MAPK9: variants seen among roughly 807,000 people sequenced by gnomAD.
MAPK9 encodes mitogen-activated protein kinase 9.
In MAPK9, 30 loss-of-function variants were observed where a neutral mutation model predicts 57.1. The observed-to-expected ratio is 0.53, with a 90% CI of 0.39 to 0.71. The LOEUF (loss-of-function observed/expected upper bound fraction) is 0.71, where lower values mean the gene tolerates loss of function less well. MAPK9 is among the 30% of genes least tolerant of loss of function. MAPK9 has a pLI of 0.00. For synonymous variants in MAPK9, 155 were observed against 177.0 expected, an observed-to-expected ratio of 0.88 and a Z score of 0.99; for missense variants, 362 against 521.0, an observed-to-expected ratio of 0.69 and a Z score of 2.97.
At chr5:180,250,346 G>A (rs2127584125) in intron 5 of MAPK9, among the ~76,000 whole-genome samples, 1 of 152,268 alleles carries the variant, frequency 6.6e-6, no homozygotes, top group Non-Finnish European at 1.5e-5. Context: ...TTAGGAATTT[G>A]ACTTTTGCCT....
intron 5 of MAPK9, among the ~76,000 whole-genome samples, chr5:180,256,509 G>T (rs1022439590): frequency 2.0e-5 from 3 of 152,206 alleles, no homozygotes; most frequent in Non-Finnish European, 4.4e-5. Flanking sequence ...CATGGACACA[G>T]ATGTGGGGAG....
In MAPK9 at chr5:180,280,631, C is replaced by T. The variant is rs908204044; in HGVS notation, c.-47-23G>A. ...TCCCTTCAAAGAAAAACAGAATGAA[C>T]GTGCATTCTTACCGGAAGTACATAC... On this transcript the variant is annotated intron_variant, in intron 1 of 11. Transcript: ENST00000452135. 26 of 1,569,780 alleles carry T rather than the reference C, an allele frequency of 1.7e-5. No individual in the cohort carries two copies. The African/African-American group carries it at 2.7e-4, about 16-fold the overall frequency.
intron 4 of MAPK9, among the ~76,000 whole-genome samples, chr5:180,262,527 A>C (rs993494924): frequency 6.6e-6 from 1 of 151,844 alleles, no homozygotes; most frequent in African/African-American, 2.4e-5. Context: ...TCCCGGGTTC[A>C]AGCCATTCTC....
At chr5:180,238,496 G>C in intron 10 of MAPK9, 93 bp from the exon 11 acceptor site, 1 of 894,672 alleles carries the variant, frequency 1.1e-6, no homozygotes, top group Non-Finnish European at 1.8e-6. Context: ...TGGAACAAAG[G>C]CATTGCGATT....
At chr5:180,239,722 T>A (rs1022165703) in intron 10 of MAPK9, among the ~76,000 whole-genome samples, 1 of 152,222 alleles carries the variant, frequency 6.6e-6, no homozygotes, top group East Asian at 1.9e-4. Flanking sequence ...TTGAAGCAAA[T>A]GATAAGAAAT....
At chr5:180,282,514 C>T (rs1434278984) in intron 1 of MAPK9, among the ~76,000 whole-genome samples, 1 of 152,236 alleles carries the variant, frequency 6.6e-6, no homozygotes, top group East Asian at 1.9e-4. Context: ...GGGCAGAAGA[C>T]AAGGACGGCT....
intron 1 of MAPK9, among the ~76,000 whole-genome samples, chr5:180,285,043 A>C (rs1762618161): frequency 6.6e-6 from 1 of 152,214 alleles, no homozygotes; most frequent in South Asian, 2.1e-4. Context: ...TGATTAAACA[A>C]CACATGTTAA....
chr5:180,243,253 C>T lies in MAPK9; in HGVS notation c.689-498G>A, dbSNP rs533153386. Among the ~76,000 whole-genome samples the T allele has an allele frequency of 3.3e-5, 5 of 152,294 alleles. No individual in the cohort carries two copies. The East Asian group carries it at 9.7e-4, about 29-fold the overall frequency. ...GGGCTTAGACTGAGCCCAGCGACAGCTTTCAAATGATGCTCTATTTTACTT... is the reference window on the plus strand; with the variant it reads ...GGGCTTAGACTGAGCCCAGCGACAGTTTTCAAATGATGCTCTATTTTACTT... On this transcript the variant is annotated intron_variant, in intron 7 of 11. Coordinates refer to ENST00000452135, the MANE Select transcript of MAPK9 (RefSeq NM_002752.5).
chr5:180,266,558 T>C (rs1760576423), intron 3 of MAPK9, among the ~76,000 whole-genome samples: 1 of 151,956 alleles, frequency 6.6e-6, no homozygotes, highest in Admixed American at 6.6e-5. Flanking sequence ...ACTCAGGTGA[T>C]CCACCTGCCT....
At chr5:180,262,200 G>GT (rs556752459) in intron 4 of MAPK9, among the ~76,000 whole-genome samples, 155 of 152,210 alleles carry the variant, frequency 1.0e-3, no homozygotes, top group Admixed American at 2.3e-3. Context: ...GGCTCTGCAC[G>GT]TAAGGGGCTG....
chr5:180,258,313 T>A (rs17684072), intron 5 of MAPK9: 1 of 152,236 alleles, frequency 6.6e-6, no homozygotes, highest in African/African-American at 2.4e-5. Flanking sequence ...ACCCCGTGAA[T>A]GTAGGAAATG....
intron 1 of MAPK9, among the ~76,000 whole-genome samples, chr5:180,290,600 A>G (rs1243346891): frequency 6.6e-6 from 1 of 152,234 alleles, no homozygotes; most frequent in African/African-American, 2.4e-5. Context: ...CAGCTAAACT[A>G]TTATAAAAAT....
chr5:180,278,077 T>G (rs1761981957), intron 2 of MAPK9, among the ~76,000 whole-genome samples: 1 of 152,230 alleles, frequency 6.6e-6, no homozygotes, highest in Non-Finnish European at 1.5e-5. Context: ...TTAGTGAATA[T>G]TTGTTCATTA....
chr5:180,267,295 C>T (rs1440256213), intron 3 of MAPK9, among the ~76,000 whole-genome samples: 1 of 152,090 alleles, frequency 6.6e-6, no homozygotes, highest in Admixed American at 6.5e-5. Context: ...GGTGCGGTGG[C>T]TCACGCCTGT....
intron 7 of MAPK9, chr5:180,246,012 CA>C (rs1758061847): frequency 6.6e-6 from 1 of 152,166 alleles, no homozygotes; most frequent in Admixed American, 6.5e-5. Flanking sequence ...TAATTACTGA[CA>C]TTAATGTTCA....
chr5:180,241,738 G>A (rs1284207690), intron 8 of MAPK9, among the ~76,000 whole-genome samples: 4 of 152,254 alleles, frequency 2.6e-5, no homozygotes, highest in Admixed American at 2.0e-4. Context: ...GCACCAGGCA[G>A]CCTCAGACCA....
intron 10 of MAPK9, among the ~76,000 whole-genome samples, chr5:180,239,058 A>G (rs1398467483): frequency 1.3e-5 from 2 of 152,192 alleles, no homozygotes; most frequent in Non-Finnish European, 2.9e-5. Flanking sequence ...ATGTTTCTCT[A>G]TGTGGTTACT....
At chr5:180,285,947 G>C (rs1762707959) in intron 1 of MAPK9, among the ~76,000 whole-genome samples, 1 of 150,602 alleles carries the variant, frequency 6.6e-6, no homozygotes, top group Non-Finnish European at 1.5e-5. Flanking sequence ...GGGTGTGGTG[G>C]CGGGCGCCTG....
rs1368739962 is a variant in MAPK9, at chr5:180,235,082, A to G, written c.*1302T>C. The G allele has an allele frequency of 6.6e-6, 1 of 152,266 alleles. No individual in the cohort carries two copies. The highest frequency in any genetic ancestry group is 2.1e-4 in the South Asian group (1 of 4,836). 9.4% of individuals were successfully genotyped at this position (152,266 alleles called of 1,614,324 possible). On this transcript the variant is annotated 3_prime_UTR_variant, in exon 12 of 12. Coordinates refer to ENST00000452135, the MANE Select transcript of MAPK9 (RefSeq NM_002752.5). ...TACTCAGCATCTTCATGAATTCTGA[A>G]TAATTTACTGATCGTAAAGTCTAAA...
Sources: allele counts gnomAD v4.1 joint callset (sites outside exome capture counted in the v4.1 genomes callset), GRCh38; gene constraint gnomAD v4.1.1; transcripts MANE v1.5; gene names NCBI Gene and HGNC (gene_info 2026-07-23, HGNC 2026-07-21).